Variants in FSTL4 observed in about 807,000 individuals in gnomAD.
FSTL4 encodes the protein follistatin-related protein 4.
A neutral mutation model predicts 78.2 loss-of-function variants in FSTL4; 28 were observed. The observed-to-expected ratio is 0.36, with a 90% confidence interval of 0.27 to 0.49. FSTL4 has a LOEUF of 0.49. Among genes scored for constraint, FSTL4 ranks in the 20% least tolerant of loss-of-function variants. FSTL4 has a pLI of 0.98. For synonymous variants in FSTL4, 422 were observed against 440.5 expected, an observed-to-expected ratio of 0.96 and a Z score of 0.53; for missense variants, 922 against 1,084.9, an observed-to-expected ratio of 0.85 and a Z score of 2.11.
the FSTL4 span, among the ~76,000 whole-genome samples, chr5:133,826,155 G>A: frequency 6.6e-6 from 1 of 152,368 alleles, no homozygotes; most frequent in Middle Eastern, 3.4e-3. Flanking sequence ...ACATGAGAGG[G>A]ACACTGAGAC....
chr5:133,346,866 C>T (rs911073596), intron 4 of FSTL4, among the ~76,000 whole-genome samples: 3 of 152,086 alleles, frequency 2.0e-5, no homozygotes, highest in South Asian at 2.1e-4. Context: ...TTGACTTATT[C>T]TTCGGCTCCT....
intron 4 of FSTL4, 29 bp from the exon 5 acceptor site, chr5:133,316,681 G>C: frequency 2.5e-6 from 4 of 1,577,262 alleles, no homozygotes; most frequent in Non-Finnish European, 3.5e-6. Flanking sequence ...TTATTATTTT[G>C]AGACTTATCC....
intron 3 of FSTL4, among the ~76,000 whole-genome samples, chr5:133,538,766 T>C (rs1213930392): frequency 3.3e-5 from 5 of 152,178 alleles, no homozygotes; most frequent in Non-Finnish European, 7.3e-5. Flanking sequence ...CAACACTTAT[T>C]TTATTATCTT....
chr5:133,727,471 C>T, the FSTL4 span, among the ~76,000 whole-genome samples: 2 of 152,202 alleles, frequency 1.3e-5, no homozygotes, highest in African/African-American at 4.8e-5. Context: ...CCACTGGGCA[C>T]ACCTGGGGAC....
At chr5:133,339,010 A>T (rs1754529187) in intron 4 of FSTL4, among the ~76,000 whole-genome samples, 11 of 151,986 alleles carry the variant, frequency 7.2e-5, no homozygotes. Context: ...GGGGGCTCCC[A>T]CTGCCTTCGG....
chr5:133,263,857 G>A (rs1161489733), intron 6 of FSTL4, among the ~76,000 whole-genome samples: 2 of 152,170 alleles, frequency 1.3e-5, no homozygotes, highest in Non-Finnish European at 2.9e-5. Flanking sequence ...TGAGGCAGGG[G>A]CACGGAGCCT....
At chr5:133,203,129 A>G (rs967337372) in intron 14 of FSTL4, among the ~76,000 whole-genome samples, 2 of 152,222 alleles carry the variant, frequency 1.3e-5, no homozygotes, top group African/African-American at 4.8e-5. Context: ...CAGTGGTCCG[A>G]TGAGGGGCTT....
chr5:133,658,654 G>A, the FSTL4 span, among the ~76,000 whole-genome samples: 18 of 151,888 alleles, frequency 1.2e-4, no homozygotes, highest in Admixed American at 2.6e-4. Context: ...TCTTATTTAC[G>A]TTTTTCTTGT....
chr5:133,491,487 C>A (rs545344965), intron 3 of FSTL4, among the ~76,000 whole-genome samples: 5 of 151,804 alleles, frequency 3.3e-5, no homozygotes, highest in African/African-American at 1.2e-4. Flanking sequence ...GCAAGCTCCA[C>A]CTCCCAGGTT....
the FSTL4 span, among the ~76,000 whole-genome samples, chr5:133,827,108 C>T: frequency 1.3e-5 from 2 of 152,234 alleles, no homozygotes; most frequent in Non-Finnish European, 2.9e-5. Context: ...TCCAGGGAAG[C>T]AGCACTCTGT....
chr5:133,718,330 C>T, the FSTL4 span, among the ~76,000 whole-genome samples: 1 of 152,116 alleles, frequency 6.6e-6, no homozygotes, highest in Non-Finnish European at 1.5e-5. Flanking sequence ...CCGCCTGCCT[C>T]GGCCTCCCAA....
the FSTL4 span, among the ~76,000 whole-genome samples, chr5:133,744,714 T>C: frequency 1.3e-5 from 2 of 152,178 alleles, no homozygotes; most frequent in Non-Finnish European, 2.9e-5. Context: ...TCAGGTTGAA[T>C]GCAAGCAGGC....
At chr5:133,330,793 A>C (rs1754327598) in intron 4 of FSTL4, among the ~76,000 whole-genome samples, 1 of 152,212 alleles carries the variant, frequency 6.6e-6, no homozygotes, top group Non-Finnish European at 1.5e-5. Flanking sequence ...GGGTAAAGAC[A>C]AGTGATTTAC....
chr5:133,399,281 G>A (rs1756157092), intron 4 of FSTL4, among the ~76,000 whole-genome samples: 1 of 152,164 alleles, frequency 6.6e-6, no homozygotes, highest in Non-Finnish European at 1.5e-5. Context: ...CACGTGGCTG[G>A]GCAGTGCTTC....
At chr5:133,518,051 C>T (rs918901391) in intron 3 of FSTL4, among the ~76,000 whole-genome samples, 1 of 152,118 alleles carries the variant, frequency 6.6e-6, no homozygotes, top group Admixed American at 6.5e-5. Flanking sequence ...GCACTATGGC[C>T]TAGCCAAGTG....
At chr5:133,796,515 G>T in the FSTL4 span, among the ~76,000 whole-genome samples, 1 of 152,134 alleles carries the variant, frequency 6.6e-6, no homozygotes, top group African/African-American at 2.4e-5. Context: ...GGATGGATGA[G>T]GAGCCAGAAG....
chr5:133,572,381 G>C (rs2112949211), intron 2 of FSTL4, among the ~76,000 whole-genome samples: 1 of 151,932 alleles, frequency 6.6e-6, no homozygotes, highest in Admixed American at 6.6e-5. Context: ...AATAAGCATA[G>C]TACCCACCAT....
chr5:133,490,493 C>G (rs1758246094), intron 3 of FSTL4, among the ~76,000 whole-genome samples: 2 of 151,814 alleles, frequency 1.3e-5, no homozygotes, highest in Non-Finnish European at 2.9e-5. Context: ...ACTACTGGCT[C>G]TAATTTTCTA....
chr5:133,359,169 T>C (rs777736857), intron 4 of FSTL4, among the ~76,000 whole-genome samples: 1 of 152,244 alleles, frequency 6.6e-6, no homozygotes, highest in Non-Finnish European at 1.5e-5. Flanking sequence ...TGGTGGCCAT[T>C]CTGTGTGCCT....
Sources: allele counts gnomAD v4.1 joint callset (sites outside exome capture counted in the v4.1 genomes callset), GRCh38; gene constraint gnomAD v4.1.1; transcripts MANE v1.5; gene names NCBI Gene and HGNC (gene_info 2026-07-23, HGNC 2026-07-21).